The following PCDH15 variants were observed in gnomAD, a reference collection of about 807,000 sequenced individuals.
PCDH15 encodes the protein protocadherin related 15.
In PCDH15, 129 loss-of-function variants were observed where a neutral mutation model predicts 178.5. The observed-to-expected ratio is 0.72, with a 90% CI of 0.63 to 0.84. PCDH15 has a LOEUF of 0.84. PCDH15 is among the 40% of genes least tolerant of loss of function. PCDH15 has a pLI of 0.00. For missense variants in PCDH15, 2,230 were observed against 2,099.9 expected, an observed-to-expected ratio of 1.06 and a Z score of -1.21; for synonymous variants, 800 against 732.0, an observed-to-expected ratio of 1.09 and a Z score of -1.50.
chr10:55,611,590 A>C (rs951931814), intron 2 of PCDH15, among the ~76,000 whole-genome samples: 8 of 152,146 alleles, frequency 5.3e-5, no homozygotes, highest in African/African-American at 1.9e-4. Context: ...GGAAAACAGA[A>C]GGGAGGTTTC....
chr10:54,389,150 A>ACC (rs1950242409), intron 3 of PCDH15, among the ~76,000 whole-genome samples: 1 of 151,644 alleles, frequency 6.6e-6, no homozygotes, highest in Non-Finnish European at 1.5e-5. Flanking sequence ...CAGAGGAAAA[A>ACC]AAAACAAAAC....
At chr10:54,762,658 A>G (rs1356815969) in intron 1 of PCDH15, among the ~76,000 whole-genome samples, 2 of 152,104 alleles carry the variant, frequency 1.3e-5, no homozygotes, top group African/African-American at 4.8e-5. Context: ...TTCCTTTTAG[A>G]GTAAACACTT....
chr10:54,033,878 T>G (rs2093357366), intron 18 of PCDH15, among the ~76,000 whole-genome samples: 1 of 151,998 alleles, frequency 6.6e-6, no homozygotes, highest in African/African-American at 2.4e-5. Flanking sequence ...TTTTCTAGTA[T>G]TCTGTTGGGT....
At chr10:54,985,125 A>G (rs10825419) in intron 2 of PCDH15, among the ~76,000 whole-genome samples, 55,444 of 151,992 alleles carry the variant, frequency 0.36, 12,300 homozygotes, top group African/African-American at 0.62. Flanking sequence ...TTTTTGACCT[A>G]CAAAATGGGC....
At position 53,938,830 on chromosome 10, in the gene PCDH15, G is replaced by A. The variant is rs773404494; in HGVS notation, c.3358C>T (p.Arg1120Ter). 8 of 1,613,082 alleles carry A rather than the reference G, an allele frequency of 5.0e-6. No individual in the cohort carries two copies. Among genetic ancestry groups the A allele is most frequent in the Admixed American group, 1.7e-5 (1 of 59,960 alleles). The change falls in exon 25 of 38, where the codon CGA becomes TGA. Residue 1120 changes from arginine (R) to a stop codon, truncating the protein, a stop_gained. Transcript: ENST00000644397. LOFTEE classifies it high-confidence loss of function. Reference sequence around the variant, plus strand: ...TATAACTTACTTTTTGAAGGAACTCGGAGATTGGCAAGGACCACTTCCAGG... The same window carrying A: ...TATAACTTACTTTTTGAAGGAACTCAGAGATTGGCAAGGACCACTTCCAGG... ...DSLEVVLANL[R>*]VPSKSNTAKV... is the part of the protein sequence containing the mutation.
intron 2 of PCDH15, among the ~76,000 whole-genome samples, chr10:55,135,411 T>A (rs1378855829): frequency 6.6e-6 from 1 of 151,790 alleles, no homozygotes; most frequent in Non-Finnish European, 1.5e-5. Flanking sequence ...CCAACACACA[T>A]ACAGACAAGA....
intron 2 of PCDH15, among the ~76,000 whole-genome samples, chr10:55,622,857 T>C (rs181921673): frequency 7.2e-4 from 110 of 152,312 alleles, no homozygotes; most frequent in African/African-American, 2.6e-3. Context: ...CGAGGCATTA[T>C]GATTTCTCCT....
chr10:55,524,483 C>T (rs568259424), intron 2 of PCDH15, among the ~76,000 whole-genome samples: 1 of 151,622 alleles, frequency 6.6e-6, no homozygotes, highest in South Asian at 2.1e-4. Context: ...TATAATTATA[C>T]ATTGAAATGA....
chr10:55,526,399 A>T (rs565673908), intron 2 of PCDH15, among the ~76,000 whole-genome samples: 17 of 152,130 alleles, frequency 1.1e-4, no homozygotes, highest in African/African-American at 4.1e-4. Flanking sequence ...TTTTTAGCCA[A>T]ATACTTACAC....
chr10:55,589,375 C>T (rs1052503327), intron 2 of PCDH15, among the ~76,000 whole-genome samples: 3 of 152,178 alleles, frequency 2.0e-5, no homozygotes, highest in African/African-American at 4.8e-5. Flanking sequence ...AGATATACGG[C>T]GTTATTTCTG....
rs2078047897 is a variant in PCDH15, at chr10:54,473,300, A to G, written c.157+54512T>C. 2.6e-5 allele frequency among the ~76,000 whole-genome samples: 4 copies of G among 152,170 alleles called. No homozygotes were observed. The South Asian group carries it at 8.3e-4, about 31-fold the overall frequency. On this transcript the variant is annotated intron_variant, in intron 3 of 37. Transcript: ENST00000644397. ...TAAGGGGATATTTGGAAGCATATTG[A>G]GCAAGTTATTGCCAACTAAAACATA...
At chr10:54,235,114 C>T (rs2054491965) in intron 9 of PCDH15, among the ~76,000 whole-genome samples, 1 of 152,186 alleles carries the variant, frequency 6.6e-6, no homozygotes, top group Non-Finnish European at 1.5e-5. Flanking sequence ...CCTTTGCTAA[C>T]AGCTTACCTT....
chr10:53,838,838 C>T (rs533120322), intron 29 of PCDH15, among the ~76,000 whole-genome samples: 39 of 152,144 alleles, frequency 2.6e-4, no homozygotes, highest in Middle Eastern at 3.4e-3. Flanking sequence ...AGAGTGCGAG[C>T]TATTACTTCA....
chr10:53,935,692 A>AT (rs1400995685), intron 25 of PCDH15, among the ~76,000 whole-genome samples: 1 of 152,206 alleles, frequency 6.6e-6, no homozygotes, highest in Non-Finnish European at 1.5e-5. Context: ...CAGTATTCCC[A>AT]TTTTGAGTAT....
intron 1 of PCDH15, among the ~76,000 whole-genome samples, chr10:55,279,077 TC>T (rs1842665721): frequency 6.6e-6 from 1 of 152,212 alleles, no homozygotes; most frequent in Non-Finnish European, 1.5e-5. Context: ...AATCTAAGCT[TC>T]GATGCCCGAG....
intron 2 of PCDH15, among the ~76,000 whole-genome samples, chr10:55,432,846 G>T (rs1034190962): frequency 6.6e-6 from 1 of 151,202 alleles, no homozygotes; most frequent in African/African-American, 2.4e-5. Flanking sequence ...GGATGCTCTC[G>T]ATCTCCTGAC....
chr10:54,059,366 A>C (rs1199285341), intron 18 of PCDH15, among the ~76,000 whole-genome samples: 1 of 152,212 alleles, frequency 6.6e-6, no homozygotes, highest in Non-Finnish European at 1.5e-5. Context: ...ATACAATAAT[A>C]ATTATGCATA....
At chr10:54,503,032 T>C (rs1017737096) in intron 3 of PCDH15, among the ~76,000 whole-genome samples, 5 of 151,868 alleles carry the variant, frequency 3.3e-5, no homozygotes, top group Admixed American at 1.3e-4. Flanking sequence ...GTAAAATACA[T>C]AGTATGTGTA....
At chr10:54,158,427 A>G (rs776409941) in intron 13 of PCDH15, among the ~76,000 whole-genome samples, 1 of 152,174 alleles carries the variant, frequency 6.6e-6, no homozygotes, top group Non-Finnish European at 1.5e-5. Flanking sequence ...CCATGATTCA[A>G]TTACCTCCCA....
Sources: allele counts gnomAD v4.1 joint callset (sites outside exome capture counted in the v4.1 genomes callset), GRCh38; gene constraint gnomAD v4.1.1; transcripts MANE v1.5; gene names NCBI Gene and HGNC (gene_info 2026-07-23, HGNC 2026-07-21).